The following SUGCT variants were observed in gnomAD, a reference collection of about 807,000 sequenced individuals.
SUGCT encodes succinyl-CoA:glutarate CoA-transferase.
Under a neutral mutation model 55.0 loss-of-function variants are expected in SUGCT, and 41 were observed. That is an observed-to-expected ratio of 0.74 (90% CI 0.58 to 0.97). The LOEUF (loss-of-function observed/expected upper bound fraction) is 0.97, where lower values mean the gene tolerates loss of function less well. Among genes scored for constraint, SUGCT ranks in the 50% least tolerant of loss-of-function variants. The pLI is 0.00. For missense variants in SUGCT, 568 were observed against 547.8 expected, an observed-to-expected ratio of 1.04 and a Z score of -0.37; for synonymous variants, 187 against 200.4, an observed-to-expected ratio of 0.93 and a Z score of 0.56.
intron 8 of SUGCT, among the ~76,000 whole-genome samples, chr7:40,285,505 G>T (rs1234925782): frequency 2.7e-5 from 4 of 149,678 alleles, no homozygotes; most frequent in African/African-American, 9.9e-5. Flanking sequence ...GGGGGGGCAA[G>T]AATTTTATTT....
chr7:40,305,476 G>T (rs868330073), intron 8 of SUGCT, among the ~76,000 whole-genome samples: 9 of 152,236 alleles, frequency 5.9e-5, no homozygotes, highest in South Asian at 2.1e-4. Flanking sequence ...TTGCATTCTA[G>T]CAGACAGAGA....
chr7:40,824,512 T>C (rs1792212108), intron 13 of SUGCT, among the ~76,000 whole-genome samples: 1 of 152,164 alleles, frequency 6.6e-6, no homozygotes, highest in African/African-American at 2.4e-5. Context: ...ACAGAGAACA[T>C]ACATGATATA....
intron 12 of SUGCT, among the ~76,000 whole-genome samples, chr7:40,644,561 T>C (rs1020722319): frequency 6.6e-6 from 1 of 152,224 alleles, no homozygotes; most frequent in Non-Finnish European, 1.5e-5. Context: ...CAAGAAACCA[T>C]GCAGGGTGTT....
intron 9 of SUGCT, among the ~76,000 whole-genome samples, chr7:40,333,879 T>C (rs1796506924): frequency 6.6e-6 from 1 of 151,102 alleles, no homozygotes; most frequent in Non-Finnish European, 1.5e-5. Context: ...ATTAGGCATA[T>C]CTCCTAGTGC....
chr7:40,920,686 T>G, the SUGCT span, among the ~76,000 whole-genome samples: 3 of 152,226 alleles, frequency 2.0e-5, no homozygotes, highest in Non-Finnish European at 4.4e-5. Flanking sequence ...AATTGTTGAT[T>G]GGCAGATCTT....
chr7:40,445,702 A>T (rs1019452139), intron 9 of SUGCT, among the ~76,000 whole-genome samples: 8 of 152,160 alleles, frequency 5.3e-5, no homozygotes, highest in African/African-American at 1.7e-4. Context: ...AAAAAAAGAG[A>T]ATTTTAGACC....
intron 12 of SUGCT, among the ~76,000 whole-genome samples, chr7:40,721,201 C>T (rs924396231): frequency 6.6e-6 from 1 of 152,146 alleles, no homozygotes; most frequent in African/African-American, 2.4e-5. Flanking sequence ...TAAATGAGAA[C>T]CCCCTTGATT....
chr7:40,801,067 A>G (rs1454146509), intron 13 of SUGCT, among the ~76,000 whole-genome samples: 4 of 152,232 alleles, frequency 2.6e-5, no homozygotes. Flanking sequence ...AATGTGAACC[A>G]GATCAACTTG....
chr7:40,313,691 G>A (rs1215435210), intron 8 of SUGCT, among the ~76,000 whole-genome samples: 7 of 150,558 alleles, frequency 4.6e-5, no homozygotes, highest in Non-Finnish European at 7.4e-5. Context: ...GCGCTGTGGC[G>A]TGATCACCGC....
At chr7:40,283,528 C>T (rs762919990) in intron 8 of SUGCT, among the ~76,000 whole-genome samples, 18 of 152,098 alleles carry the variant, frequency 1.2e-4, no homozygotes, top group Non-Finnish European at 2.5e-4. Context: ...CGCGCCTGGC[C>T]AGACGTTTCT....
chr7:40,331,895 C>T (rs141095698), intron 9 of SUGCT, among the ~76,000 whole-genome samples: 127 of 152,210 alleles, frequency 8.3e-4, no homozygotes, highest in African/African-American at 2.6e-3. Flanking sequence ...TTGTTAGCAC[C>T]GTTAGTGTTG....
intron 8 of SUGCT, among the ~76,000 whole-genome samples, chr7:40,314,996 G>A (rs1795352791): frequency 6.6e-6 from 1 of 152,188 alleles, no homozygotes; most frequent in Non-Finnish European, 1.5e-5. Flanking sequence ...TTCTGCCTGG[G>A]TGGTGTTGCA....
At chr7:40,941,652 G>A in the SUGCT span, among the ~76,000 whole-genome samples, 10 of 152,198 alleles carry the variant, frequency 6.6e-5, no homozygotes, top group South Asian at 1.9e-3. Flanking sequence ...ATCGGTCTGT[G>A]CTGTCAGTGG....
rs530311734 is a variant in SUGCT at position 40,397,608 on chromosome 7, A to G, written c.817-51679A>G. ...TCTAAGTTGCTTTTGTCTTTTGGAT[A>G]GTATTCATCAAAGGGGAATCTATTA... is the stretch of plus-strand genomic sequence containing the variant. On this transcript the variant is annotated intron_variant, in intron 9 of 13. Coordinates refer to ENST00000335693, the MANE Select transcript of SUGCT (RefSeq NM_001193313.2). Among the ~76,000 whole-genome samples the G allele has an allele frequency of 1.8e-4, 28 of 152,346 alleles. No individual in the cohort carries two copies. The South Asian group carries it at 2.7e-3, about 15-fold the overall frequency.
rs1788784032 is a variant in SUGCT, at chr7:40,232,663, C to A, written c.485-4972C>A. Among the ~76,000 whole-genome samples, 4 of 152,108 alleles carry A rather than the reference C, an allele frequency of 2.6e-5. No individual in the cohort carries two copies. The South Asian group carries it at 8.3e-4, about 32-fold the overall frequency. On this transcript the variant is annotated intron_variant, in intron 6 of 13. Coordinates refer to ENST00000335693, the MANE Select transcript of SUGCT (RefSeq NM_001193313.2). The stretch of plus-strand genomic sequence containing the variant: ...TAAATCTTTTCCCCTTAGCTTCCTC[C>A]CTGTACGTTTTTACCAACGTCTAGA...
chr7:40,646,237 T>C (rs937295482), intron 12 of SUGCT, among the ~76,000 whole-genome samples: 7 of 152,192 alleles, frequency 4.6e-5, no homozygotes, highest in Non-Finnish European at 8.8e-5. Context: ...ACCATACTAG[T>C]TCAAGGCCCC....
chr7:41,019,901 T>G, the SUGCT span, among the ~76,000 whole-genome samples: 1 of 152,322 alleles, frequency 6.6e-6, no homozygotes, highest in East Asian at 1.9e-4. Context: ...ATCCCCTCTG[T>G]CTATATTTGG....
In SUGCT at chr7:40,196,415, A is replaced by G. The variant is rs373517378; in HGVS notation, c.484+1355A>G. 3.9e-4 allele frequency among the ~76,000 whole-genome samples: 60 copies of G among 152,338 alleles called. 1 individual carries two copies. The South Asian group carries it at 0.012, about 31-fold the overall frequency. On this transcript the variant is annotated intron_variant, in intron 6 of 13. Transcript: ENST00000335693. ...ATTCTGGAATACAGGAGTGATAAAA[A>G]TCCATCTGTGCTCTCTAGAGCATTT...
chr7:40,241,969 T>C (rs926865472), intron 7 of SUGCT, among the ~76,000 whole-genome samples: 1 of 151,568 alleles, frequency 6.6e-6, no homozygotes, highest in Non-Finnish European at 1.5e-5. Context: ...GTAAACTAAT[T>C]ACTGTTGACC....
Sources: gnomAD v4.1 joint callset for allele counts (sites outside exome capture counted in the v4.1 genomes callset) on GRCh38, gnomAD v4.1.1 for gene constraint, MANE v1.5 for transcripts, NCBI Gene and HGNC (gene_info 2026-07-23, HGNC 2026-07-21) for gene names.